The following GXYLT1 variants were observed in gnomAD, a reference collection of about 807,000 sequenced individuals.
GXYLT1 encodes glycosyltransferase 8 domain containing 3.
Under a neutral mutation model 54.0 loss-of-function variants are expected in GXYLT1, and 29 were observed. That is an observed-to-expected ratio of 0.54 (90% CI 0.40 to 0.73). The LOEUF is 0.73. GXYLT1 is among the 30% of genes least tolerant of loss of function. The pLI is 0.00. For synonymous variants in GXYLT1, 176 were observed against 204.1 expected (o/e 0.86, Z 1.17); for missense variants, 490 against 553.4 (o/e 0.89, Z 1.15).
Position 42,097,441 on chromosome 12 carries a change from C to A in GXYLT1, c.1161+1G>T. On this transcript the variant is annotated splice_donor_variant, in intron 7 of 7. Transcript: ENST00000398675. LOFTEE classifies it high-confidence loss of function. ...TAAAAAAAAGGAAAGGCAAATCTTA[C>A]ATTTCTCAGTGCTTCATAAACAGCT... 1 of 1,546,118 alleles carries A rather than the reference C, an allele frequency of 6.5e-7. No individual in the cohort carries two copies. Among genetic ancestry groups the A allele is most frequent in the Non-Finnish European group, 8.6e-7 (1 of 1,156,390 alleles).
intron 2 of GXYLT1, among the ~76,000 whole-genome samples, chr12:42,120,068 T>C (rs2065521441): frequency 6.6e-6 from 1 of 152,134 alleles, no homozygotes; most frequent in Non-Finnish European, 1.5e-5. Context: ...CTTAACTCTC[T>C]CAAGGAACCC....
intron 1 of GXYLT1, among the ~76,000 whole-genome samples, chr12:42,135,999 T>G (rs903602757): frequency 1.3e-5 from 2 of 152,200 alleles, no homozygotes; most frequent in Non-Finnish European, 2.9e-5. Context: ...TAAGAACACA[T>G]GCACTAGTGA....
At chr12:42,115,584 G>C (rs2065489056) in intron 3 of GXYLT1, among the ~76,000 whole-genome samples, 1 of 152,070 alleles carries the variant, frequency 6.6e-6, no homozygotes, top group African/African-American at 2.4e-5. Flanking sequence ...GGATGTGAAG[G>C]ACCTCTTCAA....
intron 2 of GXYLT1, among the ~76,000 whole-genome samples, chr12:42,123,177 G>C (rs1263980293): frequency 6.6e-6 from 1 of 152,064 alleles, no homozygotes; most frequent in Non-Finnish European, 1.5e-5. Flanking sequence ...TCCTGAATGG[G>C]GAGGAAAAGA....
chr12:42,121,502 A>G (rs2065531275), intron 2 of GXYLT1, among the ~76,000 whole-genome samples: 2 of 152,006 alleles, frequency 1.3e-5, no homozygotes, highest in African/African-American at 4.8e-5. Flanking sequence ...GTGGTGATGC[A>G]CGCCTGTACT....
In GXYLT1 at chr12:42,112,962, G is replaced by C. The variant is rs529031459; in HGVS notation, c.487-3271C>G. ...CAGAAACTCTACAAGCCAGAAGAGAGTGGGGACCAACATTCAACATTCTTA... is the reference window on the plus strand; with the variant it reads ...CAGAAACTCTACAAGCCAGAAGAGACTGGGGACCAACATTCAACATTCTTA... On this transcript the variant is annotated intron_variant, in intron 3 of 7. Transcript: ENST00000398675. Among the ~76,000 whole-genome samples the C allele has an allele frequency of 5.2e-4, 79 of 151,408 alleles. 11 individuals are homozygous for C. Among genetic ancestry groups the C allele is most frequent in the African/African-American group, 1.8e-3 (74 of 40,690 alleles).
At chr12:42,093,252 G>A (rs543024542) in intron 7 of GXYLT1, among the ~76,000 whole-genome samples, 35 of 151,968 alleles carry the variant, frequency 2.3e-4, no homozygotes, top group East Asian at 2.1e-3. Context: ...CACGTGCCAC[G>A]ATGCCTGGCT....
intron 1 of GXYLT1, among the ~76,000 whole-genome samples, chr12:42,143,640 C>A (rs2065663642): frequency 6.6e-6 from 1 of 152,222 alleles, no homozygotes. Flanking sequence ...CAAGGCAGTG[C>A]AAACGCTCAG....
intron 2 of GXYLT1, among the ~76,000 whole-genome samples, chr12:42,122,658 CTT>C (rs1261033874): frequency 6.6e-6 from 1 of 152,048 alleles, no homozygotes; most frequent in Non-Finnish European, 1.5e-5. Flanking sequence ...AGAGGGAACT[CTT>C]CTTTTTTTAA....
intron 1 of GXYLT1, among the ~76,000 whole-genome samples, chr12:42,140,197 A>AAAAAGG (rs2065643747): frequency 6.4e-5 from 2 of 31,300 alleles, no homozygotes; most frequent in Non-Finnish European, 1.2e-4. Context: ...AAAAAAAAAA[A>AAAAAGG]GGCGGGGGGG....
intron 1 of GXYLT1, among the ~76,000 whole-genome samples, chr12:42,139,649 T>C (rs532994995): frequency 3.9e-5 from 6 of 152,352 alleles, no homozygotes; most frequent in South Asian, 2.1e-4. Context: ...TTCTAAGCTC[T>C]CTAGTCGATG....
intron 1 of GXYLT1, among the ~76,000 whole-genome samples, chr12:42,136,780 AT>A: frequency 6.6e-6 from 1 of 151,952 alleles, no homozygotes. Context: ...ACATACATAC[AT>A]ACATACAAAC....
chr12:42,104,024 G>A (rs964905562), intron 5 of GXYLT1, among the ~76,000 whole-genome samples: 7 of 152,160 alleles, frequency 4.6e-5, no homozygotes, highest in African/African-American at 1.7e-4. Flanking sequence ...TGAGGTGGGA[G>A]GATCACATGA....
chr12:42,087,972 TA>T, intron 7 of GXYLT1, 25 bp from the exon 8 acceptor site: 5 of 1,295,362 alleles, frequency 3.9e-6, no homozygotes, highest in Non-Finnish European at 4.2e-6. Context: ...TTTTAAAAAA[TA>T]AAAAATTTAA....
In GXYLT1 at chr12:42,084,158, T is replaced by A. The variant is rs2065271709; in HGVS notation, c.*3628A>T. 6.6e-6 allele frequency: 1 copy of A among 152,398 alleles called. No individual in the cohort carries two copies. The highest frequency in any genetic ancestry group is 1.5e-5 in the Non-Finnish European group (1 of 68,180). The allele number at this position is 152,398 out of a possible 1,614,324, so 9.4% of individuals were successfully genotyped here. On this transcript the variant is annotated 3_prime_UTR_variant, in exon 8 of 8. Transcript: ENST00000398675. ...AAGCAAACTGATGTAGTGTGAGGGC[T>A]ACAACTCAAAAAGTAAATGTTTCCA...
At chr12:42,122,963 T>A (rs1375130305) in intron 2 of GXYLT1, among the ~76,000 whole-genome samples, 1 of 151,988 alleles carries the variant, frequency 6.6e-6, no homozygotes, top group Non-Finnish European at 1.5e-5. Flanking sequence ...CATGCAGTAA[T>A]CCTGCCAAAA....
At position 42,083,679 on chromosome 12, in the gene GXYLT1, G is replaced by C. The variant is rs1156258949; in HGVS notation, c.*4107C>G. 6.6e-6 allele frequency: 1 copy of C among 152,266 alleles called. No homozygotes were observed. The highest frequency in any genetic ancestry group is 1.9e-4 in the East Asian group (1 of 5,204). 9.4% of individuals were successfully genotyped at this position (152,266 alleles called of 1,614,324 possible). A position where few individuals can be genotyped will look rare whatever the true frequency, so the allele number is the denominator to read the frequency against. On this transcript the variant is annotated 3_prime_UTR_variant, in exon 8 of 8. Transcript: ENST00000398675. ...TGTTCTCTTAAATCTACTCAGAATG[G>C]TTCAACTGAAAGTATCCCAACTGAG... is the stretch of plus-strand genomic sequence containing the variant.
intron 1 of GXYLT1, among the ~76,000 whole-genome samples, chr12:42,133,147 G>A (rs113030518): frequency 0.011 from 1,705 of 152,114 alleles, 30 homozygotes; most frequent in African/African-American, 0.038. Flanking sequence ...GTGTGGTGGC[G>A]GTTGCCTGTA....
Position 42,098,027 on chromosome 12 carries a change from T to C in GXYLT1, c.871A>G (p.Met291Val), listed in dbSNP as rs753875212. Reference protein sequence around the residue: ...RMRRKYFKNDMTTVRLQWGDI... With the variant: ...RMRRKYFKNDVTTVRLQWGDI... The stretch of plus-strand genomic sequence containing the variant: ...CCCCATTGTAGTCGTACAGTTGTCA[T>C]ATCATTCTGTTGATAAAAACATTCA... The change falls in exon 6 of 8, where the codon ATG becomes GTG. Residue 291 changes from methionine (M) to valine (V), a missense_variant. Around this residue, in one of 2 missense-constraint regions of GXYLT1, gnomAD observed 342 missense variants for 342.6 expected, o/e 1.00. Transcript: ENST00000398675. 8.7e-6 allele frequency: 14 copies of C among 1,607,818 alleles called. No homozygotes were observed. Among genetic ancestry groups the C allele is most frequent in the Admixed American group, 5.1e-5 (3 of 58,834 alleles).
Sources: allele counts gnomAD v4.1 joint callset (sites outside exome capture counted in the v4.1 genomes callset), GRCh38; gene constraint gnomAD v4.1.1; regional missense constraint gnomAD v4.1.1; transcripts MANE v1.5; gene names NCBI Gene and HGNC (gene_info 2026-07-23, HGNC 2026-07-21).